PARD3B: variants seen among roughly 807,000 people sequenced by gnomAD.
PARD3B encodes the protein partitioning defective 3 homolog B.
Under a neutral mutation model 130.2 loss-of-function variants are expected in PARD3B, and 103 were observed. That is an observed-to-expected ratio of 0.79 (90% confidence interval 0.67 to 0.93). The LOEUF (loss-of-function observed/expected upper bound fraction) is 0.93. PARD3B is among the 40% of genes least tolerant of loss of function. The probability of loss-of-function intolerance (pLI) is 0.00; values close to 1 mark genes in which losing one functional copy is unlikely to be tolerated. For missense variants in PARD3B, 1,609 were observed against 1,499.2 expected (o/e 1.07, Z -1.21); for synonymous variants, 583 against 553.2 (o/e 1.05, Z -0.76).
chr2:205,087,827 T>C (rs1701836371), intron 4 of PARD3B, among the ~76,000 whole-genome samples: 1 of 152,194 alleles, frequency 6.6e-6, no homozygotes, highest in Non-Finnish European at 1.5e-5. Context: ...TCTACCAGGC[T>C]TGAAGTGACC....
chr2:205,398,489 G>T (rs570102684), intron 18 of PARD3B, among the ~76,000 whole-genome samples: 1 of 152,110 alleles, frequency 6.6e-6, no homozygotes, highest in Non-Finnish European at 1.5e-5. Context: ...CAGTTGGTTC[G>T]CCAGAGTCCC....
chr2:204,979,154 C>T (rs1314529078), intron 3 of PARD3B, among the ~76,000 whole-genome samples: 2 of 149,648 alleles, frequency 1.3e-5, no homozygotes, highest in Non-Finnish European at 3.0e-5. Context: ...TGCAGTGAGC[C>T]GAGATTGCAC....
chr2:205,502,672 A>G (rs2050199489), intron 21 of PARD3B, among the ~76,000 whole-genome samples: 2 of 152,182 alleles, frequency 1.3e-5, no homozygotes, highest in Admixed American at 6.6e-5. Flanking sequence ...AAGATAAGTT[A>G]CCTAACAACT....
chr2:204,885,322 G>A lies in PARD3B; in HGVS notation c.223-79830G>A, dbSNP rs577665071. Reference sequence around the variant, plus strand: ...TGTCCTTTGCCCACTTTTTAATGGGGTTGTTTTTTTCTTGTAAATTTGTTT... The same window carrying A: ...TGTCCTTTGCCCACTTTTTAATGGGATTGTTTTTTTCTTGTAAATTTGTTT... On this transcript the variant is annotated intron_variant, in intron 2 of 22. Coordinates refer to ENST00000406610, the MANE Select transcript of PARD3B (RefSeq NM_001302769.2). Among the ~76,000 whole-genome samples the A allele has an allele frequency of 6.6e-5, 10 of 152,174 alleles. No individual in the cohort carries two copies. In the South Asian group the frequency reaches 1.9e-3, roughly 28 times the overall value.
At chr2:204,707,131 T>A (rs2038205021) in intron 2 of PARD3B, among the ~76,000 whole-genome samples, 1 of 152,184 alleles carries the variant, frequency 6.6e-6, no homozygotes, top group Non-Finnish European at 1.5e-5. Flanking sequence ...CTCAGTGAAC[T>A]GCATCAGCAC....
chr2:204,816,958 A>T (rs538766055), intron 2 of PARD3B, among the ~76,000 whole-genome samples: 1 of 151,832 alleles, frequency 6.6e-6, no homozygotes, highest in Admixed American at 6.6e-5. Flanking sequence ...TATGATTTCT[A>T]TTGCTATGTC....
chr2:205,286,855 A>C (rs1209179221), intron 16 of PARD3B, among the ~76,000 whole-genome samples: 1 of 152,220 alleles, frequency 6.6e-6, no homozygotes, highest in East Asian at 1.9e-4. Context: ...CAACCATAGC[A>C]AGAATTGATT....
chr2:205,185,741 C>T (rs762749811), intron 13 of PARD3B, 23 bp from the exon 14 acceptor site: 76 of 1,599,940 alleles, frequency 4.8e-5, no homozygotes, highest in Non-Finnish European at 6.3e-5. Flanking sequence ...CTTTATACAG[C>T]TTCATTTGTT....
At chr2:205,147,552 G>A (rs549374286) in intron 10 of PARD3B, among the ~76,000 whole-genome samples, 1 of 152,206 alleles carries the variant, frequency 6.6e-6, no homozygotes, top group South Asian at 2.1e-4. Context: ...TTGAGTCAGA[G>A]ATCGGCTCTT....
rs887419154 is a variant in PARD3B, at chr2:205,116,496, G to C, written c.681-2425G>C. Among the ~76,000 whole-genome samples, 1 of 152,118 alleles carries C rather than the reference G, an allele frequency of 6.6e-6. No homozygotes were observed. Among genetic ancestry groups the C allele is most frequent in the Non-Finnish European group, 1.5e-5 (1 of 68,022 alleles). ...ATTGTTACCCCTCTAATTCTGTGAG[G>C]CTGTGGATTTCAGCATCCTTTATCA... On this transcript the variant is annotated intron_variant, in intron 6 of 22. Transcript: ENST00000406610. This position sits in a 1 kb window ranked among gnomAD's most constrained non-coding sequence, Gnocchi z 4.5.
intron 2 of PARD3B, among the ~76,000 whole-genome samples, chr2:204,731,669 A>G (rs557114900): frequency 2.6e-5 from 4 of 152,352 alleles, no homozygotes; most frequent in East Asian, 1.9e-4. Context: ...GACTGAAGCC[A>G]GGTTACAATC....
At chr2:205,570,034 T>C (rs2106544404) in intron 22 of PARD3B, among the ~76,000 whole-genome samples, 1 of 152,252 alleles carries the variant, frequency 6.6e-6, no homozygotes, top group African/African-American at 2.4e-5. Context: ...GAGTTGCCTT[T>C]TAATTTCTAT....
At chr2:204,998,805 C>T (rs1694574774) in intron 3 of PARD3B, among the ~76,000 whole-genome samples, 1 of 151,934 alleles carries the variant, frequency 6.6e-6, no homozygotes, top group South Asian at 2.1e-4. Flanking sequence ...CTTCTGACAC[C>T]CTGGTTCAAG....
chr2:205,506,242 A>G (rs1662214332), intron 21 of PARD3B, among the ~76,000 whole-genome samples: 1 of 152,204 alleles, frequency 6.6e-6, no homozygotes, highest in Non-Finnish European at 1.5e-5. Context: ...CTGAGGCAGG[A>G]AAATCACTTG....
In PARD3B at chr2:205,499,995, A is replaced by T; in HGVS notation, c.3144A>T (p.Glu1048Asp). The change falls in exon 21 of 23, where the codon GAA becomes GAT. Residue 1048 changes from glutamate (E) to aspartate (D), a missense_variant. By Grantham distance (45) the Glu-to-Asp change is conservative. Transcript: ENST00000406610. ...GTTTCCCTTTATATGAAGACGACGA[A>T]GGAAGAGCAAGGCCATCTGAGTATG... Reference protein sequence around the residue: ...REGFPLYEDDEGRARPSEYDL... With the variant: ...REGFPLYEDDDGRARPSEYDL... 6.2e-7 allele frequency: 1 copy of T among 1,613,962 alleles called. No homozygotes were observed. Among genetic ancestry groups the T allele is most frequent in the South Asian group, 1.1e-5 (1 of 91,082 alleles).
At position 205,322,889 on chromosome 2, in the gene PARD3B, C is replaced by CTTTTTTTTTTTT. The variant is rs71032461; in HGVS notation, c.2630+21219_2630+21230dup. ...TGTTGTTATATCATTATTAACACCTCTTTTTTTTTTTTTTTTTTTTTTTTT... is the reference window on the plus strand; with the variant it reads ...TGTTGTTATATCATTATTAACACCTCTTTTTTTTTTTTTTTTTTTTTTTTTTTTTTTTTTTTT... On this transcript the variant is annotated intron_variant, in intron 18 of 22. Transcript: ENST00000406610. 3.9e-4 allele frequency among the ~76,000 whole-genome samples: 20 copies of CTTTTTTTTTTTT among 51,468 alleles called. 2 individuals are homozygous for CTTTTTTTTTTTT. The highest frequency in any genetic ancestry group is 6.6e-4 in the Admixed American group (2 of 3,034). The allele number at this position is 51,468 out of a possible 152,430, so 33.8% of individuals were successfully genotyped here.
At chr2:205,613,157 A>C (rs574007343) in intron 22 of PARD3B, among the ~76,000 whole-genome samples, 2 of 152,378 alleles carry the variant, frequency 1.3e-5, no homozygotes, top group East Asian at 3.9e-4. Context: ...TTAAACAGGA[A>C]GCATTCATGC....
chr2:205,042,917 A>G (rs1190674671), intron 3 of PARD3B, among the ~76,000 whole-genome samples: 2 of 149,556 alleles, frequency 1.3e-5, no homozygotes, highest in Non-Finnish European at 3.0e-5. Flanking sequence ...ATAAGAATTT[A>G]TGCTTTAAAA....
At chr2:205,257,921 C>T (rs1034302629) in intron 16 of PARD3B, among the ~76,000 whole-genome samples, 1 of 152,172 alleles carries the variant, frequency 6.6e-6, no homozygotes, top group Non-Finnish European at 1.5e-5. Context: ...GACCTACACC[C>T]TGGGTGCCTT....
Sources: gnomAD v4.1 joint callset for allele counts (sites outside exome capture counted in the v4.1 genomes callset) on GRCh38, gnomAD v4.1.1 for gene constraint, Gnocchi (gnomAD v3.1) non-coding constraint, MANE v1.5 for transcripts, NCBI Gene and HGNC (gene_info 2026-07-23, HGNC 2026-07-21) for gene names.